Variants in ROBO2 observed in about 807,000 individuals in gnomAD.
ROBO2 encodes roundabout homolog 2.
Under a neutral mutation model 160.8 loss-of-function variants are expected in ROBO2, and 53 were observed. The ratio of observed to expected loss-of-function variants is 0.33; its 90% CI spans 0.26 to 0.41. The LOEUF (loss-of-function observed/expected upper bound fraction) is 0.41, where lower values mean the gene tolerates loss of function less well. ROBO2 is among the 10% of genes least tolerant of loss of function. ROBO2 has a pLI of 1.00. For missense variants in ROBO2, 1,577 were observed against 1,722.4 expected, an observed-to-expected ratio of 0.92 and a Z score of 1.49; for synonymous variants, 664 against 611.7, an observed-to-expected ratio of 1.09 and a Z score of -1.26.
At chr3:76,779,092 C>A (rs2062463223) in intron 2 of ROBO2, among the ~76,000 whole-genome samples, 1 of 150,952 alleles carries the variant, frequency 6.6e-6, no homozygotes, top group South Asian at 2.1e-4. Flanking sequence ...GAAAAGACAC[C>A]AAAGTGTTCA....
intron 2 of ROBO2, among the ~76,000 whole-genome samples, chr3:76,536,681 G>A (rs2082523819): frequency 6.6e-6 from 1 of 152,092 alleles, no homozygotes; most frequent in Non-Finnish European, 1.5e-5. Flanking sequence ...ACGCTGGCAG[G>A]TGTCAGTGTG....
intron 2 of ROBO2, among the ~76,000 whole-genome samples, chr3:76,891,752 G>C (rs538227451): frequency 6.6e-6 from 1 of 152,166 alleles, no homozygotes; most frequent in South Asian, 2.1e-4. Context: ...AAATCACCTT[G>C]AGCTCAAGGA....
At chr3:75,953,406 G>T (rs1448723051) in intron 2 of ROBO2, among the ~76,000 whole-genome samples, 1 of 151,608 alleles carries the variant, frequency 6.6e-6, no homozygotes, top group Non-Finnish European at 1.5e-5. Context: ...TTAGACCTTT[G>T]GCCTATTTTT....
intron 2 of ROBO2, among the ~76,000 whole-genome samples, chr3:77,472,452 G>T (rs1319638597): frequency 6.6e-6 from 1 of 152,108 alleles, no homozygotes; most frequent in Non-Finnish European, 1.5e-5. Context: ...AATTTAGAAT[G>T]TTCCAATTTT....
intron 2 of ROBO2, among the ~76,000 whole-genome samples, chr3:76,932,448 G>A (rs1328106287): frequency 2.2e-5 from 3 of 138,142 alleles, no homozygotes; most frequent in Non-Finnish European, 3.2e-5. Flanking sequence ...ACACATACAC[G>A]TGTCACAAAT....
intron 2 of ROBO2, among the ~76,000 whole-genome samples, chr3:77,454,948 T>C (rs1243055879): frequency 6.6e-6 from 1 of 152,278 alleles, no homozygotes; most frequent in Admixed American, 6.5e-5. Flanking sequence ...TGTAATTTAG[T>C]CTACCATCTC....
At chr3:77,202,630 C>G (rs1376018689) in intron 2 of ROBO2, among the ~76,000 whole-genome samples, 1 of 152,188 alleles carries the variant, frequency 6.6e-6, no homozygotes, top group African/African-American at 2.4e-5. Context: ...CAGCCCTCAA[C>G]TTATTACTTG....
At chr3:76,790,039 A>G (rs2063255108) in intron 2 of ROBO2, among the ~76,000 whole-genome samples, 1 of 151,676 alleles carries the variant, frequency 6.6e-6, no homozygotes, top group Non-Finnish European at 1.5e-5. Context: ...ACTATGATTG[A>G]ATTTTTATTT....
At chr3:76,847,242 A>G (rs1171510762) in intron 2 of ROBO2, among the ~76,000 whole-genome samples, 1 of 152,132 alleles carries the variant, frequency 6.6e-6, no homozygotes. Flanking sequence ...ACTATTCATC[A>G]TGGTTTGAAG....
At chr3:76,189,636 C>A (rs1448808288) in intron 2 of ROBO2, among the ~76,000 whole-genome samples, 1 of 152,002 alleles carries the variant, frequency 6.6e-6, no homozygotes, top group African/African-American at 2.4e-5. Context: ...TGGAAAAGTT[C>A]TCATTCTTAA....
intron 2 of ROBO2, among the ~76,000 whole-genome samples, chr3:76,286,540 A>G (rs180730649): frequency 6.6e-6 from 1 of 152,310 alleles, no homozygotes; most frequent in Admixed American, 6.5e-5. Flanking sequence ...AATGATGACC[A>G]AAAGGGGATG....
intron 2 of ROBO2, among the ~76,000 whole-genome samples, chr3:76,488,889 A>G (rs926273721): frequency 3.3e-5 from 5 of 151,990 alleles, no homozygotes; most frequent in African/African-American, 1.2e-4. Context: ...CCTACTACCT[A>G]GAAGGACGAT....
chr3:77,546,343 C>T (rs1225370443), exon 7 of ROBO2: 1 of 1,612,996 alleles, frequency 6.2e-7, no homozygotes, highest in South Asian at 1.1e-5. Context: ...TATAGCTCCC[C>T]CACAGTTTGT....
chr3:76,834,153 T>TTC (rs1319855161), intron 2 of ROBO2, among the ~76,000 whole-genome samples: 5 of 132,740 alleles, frequency 3.8e-5, no homozygotes, highest in African/African-American at 1.4e-4. Context: ...CTTCCTTTCT[T>TTC]TCTCTCTCTT....
intron 2 of ROBO2, among the ~76,000 whole-genome samples, chr3:76,009,141 C>T (rs527634326): frequency 1.4e-4 from 22 of 152,216 alleles, no homozygotes; most frequent in Middle Eastern, 3.4e-3. Flanking sequence ...CTTGCTCTGT[C>T]GCCCAGGCTG....
chr3:77,093,888 G>A (rs1185028267), intron 1 of ROBO2, among the ~76,000 whole-genome samples: 1 of 152,026 alleles, frequency 6.6e-6, no homozygotes, highest in Admixed American at 6.6e-5. Flanking sequence ...AGAAAACAGT[G>A]TTAACTGTTG....
chr3:75,982,585 A>G (rs1392195648), intron 2 of ROBO2, among the ~76,000 whole-genome samples: 1 of 151,398 alleles, frequency 6.6e-6, no homozygotes, highest in East Asian at 1.9e-4. Flanking sequence ...TTAATAATAT[A>G]TTTAAATTTT....
At chr3:75,909,992 G>C (rs535193184) in intron 1 of ROBO2, among the ~76,000 whole-genome samples, 3 of 152,276 alleles carry the variant, frequency 2.0e-5, no homozygotes, top group South Asian at 2.1e-4. Context: ...AGTAAGATGA[G>C]GAAGCTGAGA....
At chr3:77,081,564 C>T (rs1469706650) in intron 1 of ROBO2, among the ~76,000 whole-genome samples, 1 of 152,194 alleles carries the variant, frequency 6.6e-6, no homozygotes, top group Admixed American at 6.5e-5. Flanking sequence ...CCAAGTCATT[C>T]AGAAATAATC....
Sources: allele counts gnomAD v4.1 joint callset (sites outside exome capture counted in the v4.1 genomes callset), GRCh38; gene constraint gnomAD v4.1.1; transcripts MANE v1.5; gene names NCBI Gene and HGNC (gene_info 2026-07-23, HGNC 2026-07-21).